Variants in XPNPEP1 observed in about 807,000 individuals in gnomAD.
The protein encoded by XPNPEP1 is X-prolyl aminopeptidase 1, also known as xaa-Pro aminopeptidase 1.
XPNPEP1 carries 39 observed loss-of-function variants against 92.4 expected under a neutral mutation model. The ratio of observed to expected loss-of-function variants is 0.42; its 90% CI spans 0.33 to 0.55. XPNPEP1 has a LOEUF of 0.55. Ranked by LOEUF, XPNPEP1 falls within the 20% of genes least tolerant of loss-of-function variation. XPNPEP1 has a pLI of 0.08. For missense variants in XPNPEP1, 654 were observed against 856.1 expected (o/e 0.76, Z 2.95); for synonymous variants, 307 against 299.4 (o/e 1.03, Z -0.26).
chr10:109,893,347 C>T (rs926193591), intron 3 of XPNPEP1: 2 of 328,176 alleles, frequency 6.1e-6, no homozygotes, highest in African/African-American at 2.1e-5. Flanking sequence ...ATAAAAACTG[C>T]TCTTTCTTCA....
chr10:109,903,454 A>G (rs1207913625), intron 3 of XPNPEP1, among the ~76,000 whole-genome samples: 3 of 152,226 alleles, frequency 2.0e-5, no homozygotes, highest in Non-Finnish European at 2.9e-5. Flanking sequence ...CATGTGCTCC[A>G]GTTGCGGGAA....
At position 109,878,126 on chromosome 10, in the gene XPNPEP1, A is replaced by T. The variant is rs1847885901; in HGVS notation, c.1183-68T>A. ...ATGTGTGCCTCTTACAAATTAGAGGAGGTACATTAAAAGCTCACTTTTTCC... is the reference window on the plus strand; with the variant it reads ...ATGTGTGCCTCTTACAAATTAGAGGTGGTACATTAAAAGCTCACTTTTTCC... On this transcript the variant is annotated intron_variant, in intron 12 of 20. Coordinates refer to ENST00000502935, the MANE Select transcript of XPNPEP1 (RefSeq NM_020383.4). 4.4e-6 allele frequency: 7 copies of T among 1,576,846 alleles called. No individual in the cohort carries two copies. The South Asian group carries it at 5.5e-5, about 13-fold the overall frequency.
rs1431348046 is a variant in XPNPEP1, at chr10:109,893,050, C to T, written c.272G>A (p.Cys91Tyr). Residue 91 changes from cysteine to tyrosine, a missense_variant, in exon 4 of 21, where the codon TGT (cysteine) becomes TAT (tyrosine). Coordinates refer to ENST00000502935, the MANE Select transcript of XPNPEP1 (RefSeq NM_020383.4). Reference protein sequence around the residue: ...HQSEYIAPCDCRRAFVSGFDG... With the variant: ...HQSEYIAPCDYRRAFVSGFDG... Reference sequence around the variant, plus strand: ...GAATCCAGAGACAAAAGCCCGCCGACAGTCACATGGAGCAATATACTCACT... The same window carrying T: ...GAATCCAGAGACAAAAGCCCGCCGATAGTCACATGGAGCAATATACTCACT... The T allele has an allele frequency of 1.2e-6, 2 of 1,613,844 alleles. No homozygotes were observed. Among genetic ancestry groups the T allele is most frequent in the Non-Finnish European group, 1.7e-6 (2 of 1,179,882 alleles).
intron 2 of XPNPEP1, among the ~76,000 whole-genome samples, chr10:109,913,411 T>C (rs890634201): frequency 1.3e-5 from 2 of 152,184 alleles, no homozygotes; most frequent in African/African-American, 4.8e-5. Context: ...AAGGGGCCAG[T>C]TTACTCCAAT....
intron 1 of XPNPEP1, among the ~76,000 whole-genome samples, chr10:109,921,649 G>A (rs1850548088): frequency 6.6e-6 from 1 of 152,246 alleles, no homozygotes; most frequent in African/African-American, 2.4e-5. Flanking sequence ...TGGGAAGTAA[G>A]CAATGTTGTC....
At chr10:109,912,335 T>C (rs1344323644) in intron 2 of XPNPEP1, among the ~76,000 whole-genome samples, 2 of 152,098 alleles carry the variant, frequency 1.3e-5, no homozygotes, top group Non-Finnish European at 2.9e-5. Flanking sequence ...CCATAACCAA[T>C]AGTTAGGATG....
intron 5 of XPNPEP1, chr10:109,891,468 A>C: frequency 2.9e-6 from 1 of 343,018 alleles, no homozygotes; most frequent in Non-Finnish European, 5.3e-6. Context: ...TGTGATCTGC[A>C]GCAAATCAAC....
Position 109,868,902 on chromosome 10 carries a change from G to A in XPNPEP1, c.1774-190C>T, listed in dbSNP as rs574801543. 3.3e-5 allele frequency among the ~76,000 whole-genome samples: 5 copies of A among 152,242 alleles called. 1 individual carries two copies. In the South Asian group the frequency reaches 1.0e-3, roughly 32 times the overall value. ...CATTTTCCAAGAGCTCCTCCACTGG[G>A]CAAACAATGGCCTGTGCCATCAGGA... On this transcript the variant is annotated intron_variant, in intron 19 of 20. Coordinates refer to ENST00000502935, the MANE Select transcript of XPNPEP1 (RefSeq NM_020383.4).
chr10:109,886,341 C>T lies in XPNPEP1; in HGVS notation c.653G>A (p.Gly218Asp). The T allele has an allele frequency of 6.2e-7, 1 of 1,613,934 alleles. No homozygotes were observed. The highest frequency in any genetic ancestry group is 8.5e-7 in the Non-Finnish European group (1 of 1,179,932). The part of the protein sequence containing the change: ...PLLTLGLDYT[G>D]ISWKDKVADL... ...TGCAACCTTGTCCTTCCAGGAGATG[C>T]CTGCAAGAAACAAATGTGCTTTAAC... The change falls in exon 8 of 21, where the codon GGC becomes GAC. Residue 218 changes from glycine (G) to aspartate (D), a missense_variant and splice_region_variant. Coordinates refer to ENST00000502935, the MANE Select transcript of XPNPEP1 (RefSeq NM_020383.4).
intron 20 of XPNPEP1, among the ~76,000 whole-genome samples, chr10:109,866,892 C>G (rs550901796): frequency 1.4e-4 from 22 of 152,348 alleles, no homozygotes; most frequent in African/African-American, 5.3e-4. Flanking sequence ...CTGGGTAACA[C>G]AGATCCCTGG....
chr10:109,866,793 T>A (rs1467304564), intron 20 of XPNPEP1, among the ~76,000 whole-genome samples: 2 of 152,240 alleles, frequency 1.3e-5, no homozygotes, highest in Admixed American at 6.5e-5. Context: ...AAGCCAGATA[T>A]TTTAAGAAGA....
chr10:109,884,260 A>C, intron 8 of XPNPEP1, 112 bp from the exon 9 acceptor site: 2 of 1,022,610 alleles, frequency 2.0e-6, no homozygotes, highest in Non-Finnish European at 2.9e-6. Flanking sequence ...GCAAGGATTC[A>C]GTGGAATCGC....
intron 7 of XPNPEP1, 45 bp downstream of exon 7, chr10:109,888,004 G>A (rs1449147130): frequency 6.2e-7 from 1 of 1,606,722 alleles, no homozygotes; most frequent in Non-Finnish European, 8.5e-7. Context: ...AAGAGGTGGG[G>A]GGACAATGGC....
At chr10:109,884,240 C>T in intron 8 of XPNPEP1, 92 bp from the exon 9 acceptor site, 1 of 1,227,302 alleles carries the variant, frequency 8.1e-7, no homozygotes, top group Non-Finnish European at 1.2e-6. Context: ...GCTTGGAGTC[C>T]AGCTGCTGCG....
intron 10 of XPNPEP1, 138 bp from the exon 11 acceptor site, chr10:109,881,069 C>G: frequency 1.4e-6 from 1 of 723,576 alleles, no homozygotes; most frequent in South Asian, 1.9e-5. Flanking sequence ...ATATAGCTAT[C>G]CCCTGGGGCC....
At position 109,884,089 on chromosome 10, in the gene XPNPEP1, T is replaced by C. The variant is rs141671804; in HGVS notation, c.808A>G (p.Ile270Val). The change falls in exon 9 of 21, where the codon ATC becomes GTC. Residue 270 changes from isoleucine to valine, a missense_variant. Coordinates refer to ENST00000502935, the MANE Select transcript of XPNPEP1 (RefSeq NM_020383.4). The part of the protein sequence containing the change: ...EHNPVFFSYA[I>V]IGLETIMLFI... ...CACATGATCGTCTCTAGTCCTATGATTGCGTAGGAGAAAAATACTGGATTG... is the reference window on the plus strand; with the variant it reads ...CACATGATCGTCTCTAGTCCTATGACTGCGTAGGAGAAAAATACTGGATTG... The C allele has an allele frequency of 5.6e-6, 9 of 1,614,002 alleles. 1 individual carries two copies. Among genetic ancestry groups the C allele is most frequent in the African/African-American group, 4.0e-5 (3 of 75,044 alleles).
chr10:109,893,013 C>CA lies in XPNPEP1; in HGVS notation c.308_309insT (p.Thr105HisfsTer14). ...AACAGAGAAAAAGTAGTGACTCACC[C>CA]GCAGAGCCATCGAATCCAGAGACAA... On this transcript the variant is annotated frameshift_variant and splice_region_variant, in exon 4 of 21. Coordinates refer to ENST00000502935, the MANE Select transcript of XPNPEP1 (RefSeq NM_020383.4). LOFTEE classifies it high-confidence loss of function. 1 of 1,613,426 alleles carries CA rather than the reference C, an allele frequency of 6.2e-7. No individual in the cohort carries two copies. The highest frequency in any genetic ancestry group is 8.5e-7 in the Non-Finnish European group (1 of 1,179,752).
At chr10:109,893,391 G>A (rs187868255) in intron 3 of XPNPEP1, 2 of 243,626 alleles carry the variant, frequency 8.2e-6, no homozygotes, top group East Asian at 7.8e-5. Flanking sequence ...ACCAATAATA[G>A]CCTTCTCCCC....
In XPNPEP1 at chr10:109,869,001, G is replaced by A. The variant is rs1847297327; in HGVS notation, c.1774-289C>T. Among the ~76,000 whole-genome samples, 5 of 152,370 alleles carry A rather than the reference G, an allele frequency of 3.3e-5. No homozygotes were observed. The South Asian group carries it at 1.0e-3, about 32-fold the overall frequency. ...CTAATGTCTACTGTGATAGGAAACA[G>A]GGGCAGGATATGGGGGTATCTGGGC... On this transcript the variant is annotated intron_variant, in intron 19 of 20. Coordinates refer to ENST00000502935, the MANE Select transcript of XPNPEP1 (RefSeq NM_020383.4).
Sources: gnomAD v4.1 joint callset for allele counts (sites outside exome capture counted in the v4.1 genomes callset) on GRCh38, gnomAD v4.1.1 for gene constraint, MANE v1.5 for transcripts, NCBI Gene and HGNC (gene_info 2026-07-23, HGNC 2026-07-21) for gene names.